Variants in CTNNA3 observed in about 807,000 individuals in gnomAD.
CTNNA3 encodes catenin alpha-3.
CTNNA3 carries 76 observed loss-of-function variants against 95.7 expected under a neutral mutation model. That is an observed-to-expected ratio of 0.79 (90% confidence interval 0.66 to 0.96). The LOEUF is 0.96. Among genes scored for constraint, CTNNA3 ranks in the 40% least tolerant of loss-of-function variants. CTNNA3 has a pLI of 0.00. For missense variants in CTNNA3, 1,191 were observed against 1,089.8 expected (o/e 1.09, Z -1.31); for synonymous variants, 431 against 374.4 (o/e 1.15, Z -1.74).
At chr10:66,572,172 C>A (rs1449893136) in intron 10 of CTNNA3, among the ~76,000 whole-genome samples, 2 of 151,968 alleles carry the variant, frequency 1.3e-5, no homozygotes, top group Non-Finnish European at 2.9e-5. Flanking sequence ...CACTTGAGGT[C>A]AGGAGTTCAA....
At chr10:66,586,466 G>C (rs528336023) in intron 10 of CTNNA3, among the ~76,000 whole-genome samples, 5 of 152,036 alleles carry the variant, frequency 3.3e-5, no homozygotes, top group Non-Finnish European at 7.4e-5. Context: ...CTGCTGACCT[G>C]GTGTTCTAGC....
At chr10:66,772,497 A>G (rs1241301647) in intron 8 of CTNNA3, among the ~76,000 whole-genome samples, 1 of 152,120 alleles carries the variant, frequency 6.6e-6, no homozygotes, top group African/African-American at 2.4e-5. Flanking sequence ...GGAGGACACA[A>G]CACTGCGAAG....
intron 7 of CTNNA3, among the ~76,000 whole-genome samples, chr10:66,895,178 C>A (rs1845431156): frequency 1.3e-5 from 2 of 151,646 alleles, no homozygotes; most frequent in African/African-American, 4.8e-5. Flanking sequence ...ATAATCCTTT[C>A]GGAGTGACCT....
chr10:67,252,270 G>A (rs1445758486), intron 5 of CTNNA3, among the ~76,000 whole-genome samples: 1 of 150,564 alleles, frequency 6.6e-6, no homozygotes, highest in Non-Finnish European at 1.5e-5. Flanking sequence ...TAGCTATTAC[G>A]TGGAGAATTA....
intron 7 of CTNNA3, among the ~76,000 whole-genome samples, chr10:67,025,715 C>T (rs1363176381): frequency 6.6e-6 from 1 of 152,080 alleles, no homozygotes; most frequent in Non-Finnish European, 1.5e-5. Flanking sequence ...TTCTTAGTTA[C>T]ATTTTGAAAA....
intron 13 of CTNNA3, among the ~76,000 whole-genome samples, chr10:66,130,502 A>G (rs2083036787): frequency 6.6e-6 from 1 of 151,992 alleles, no homozygotes; most frequent in Non-Finnish European, 1.5e-5. Flanking sequence ...AGATCCAAGC[A>G]AACACGATCA....
intron 5 of CTNNA3, among the ~76,000 whole-genome samples, chr10:67,243,639 T>G (rs1357643374): frequency 6.6e-6 from 1 of 152,166 alleles, no homozygotes; most frequent in Admixed American, 6.5e-5. Flanking sequence ...TTCCTACTAC[T>G]CCTGTCACGG....
At chr10:67,702,442 C>T (rs141507827) in intron 1 of CTNNA3, among the ~76,000 whole-genome samples, 1 of 152,164 alleles carries the variant, frequency 6.6e-6, no homozygotes, top group African/African-American at 2.4e-5. Flanking sequence ...GACCACAGTG[C>T]AATCAAACTA....
Position 67,045,527 on chromosome 10 carries a change from C to T in CTNNA3, c.1047+134790G>A, listed in dbSNP as rs561252525. 2.3e-4 allele frequency among the ~76,000 whole-genome samples: 35 copies of T among 152,258 alleles called. No individual in the cohort carries two copies. In the South Asian group the frequency reaches 7.0e-3, roughly 31 times the overall value. ...AACTGTTCTGCTACGTAGGAAACCC[C>T]GACCCAGAAGCAGATAGTCTACGAA... is the stretch of plus-strand genomic sequence containing the variant. On this transcript the variant is annotated intron_variant, in intron 7 of 17. Coordinates refer to ENST00000433211, the MANE Select transcript of CTNNA3 (RefSeq NM_013266.4).
At chr10:66,533,362 G>A (rs1841537627) in intron 10 of CTNNA3, among the ~76,000 whole-genome samples, 1 of 152,034 alleles carries the variant, frequency 6.6e-6, no homozygotes, top group South Asian at 2.1e-4. Context: ...AGATTGTCAC[G>A]GTTGAGCATT....
rs780217926 is a variant in CTNNA3, at chr10:66,280,497, A to G, written c.1857T>C (p.Asp619=). The G allele has an allele frequency of 2.5e-6, 4 of 1,607,502 alleles. 1 individual carries two copies. Among genetic ancestry groups the G allele is most frequent in the East Asian group, 4.5e-5 (2 of 44,464 alleles). The change falls in exon 13 of 18, where the codon GAT becomes GAC. Residue 619 remains aspartate (D), a synonymous_variant. Coordinates refer to ENST00000433211, the MANE Select transcript of CTNNA3 (RefSeq NM_013266.4). Reference sequence around the variant, plus strand: ...GAATCATCATGACTGAACATCTGATATCATGAATTGTATCATAGATCTTCT... The same window carrying G: ...GAATCATCATGACTGAACATCTGATGTCATGAATTGTATCATAGATCTTCT... ...ISKKIYDTIH[D]IRCSVMMIRT...
intron 7 of CTNNA3, among the ~76,000 whole-genome samples, chr10:66,815,834 C>T (rs1842057856): frequency 6.6e-6 from 1 of 152,178 alleles, no homozygotes; most frequent in Admixed American, 6.5e-5. Flanking sequence ...GCTAGCCCTA[C>T]AGCAAATACC....
intron 13 of CTNNA3, among the ~76,000 whole-genome samples, chr10:66,111,823 T>C (rs1170673885): frequency 6.6e-6 from 1 of 152,194 alleles, no homozygotes; most frequent in African/African-American, 2.4e-5. Flanking sequence ...TTAATGGAAC[T>C]TGAAGTTAGG....
At chr10:66,676,047 GATTTATTTTCTGTTAACAT>G (rs1448787795) in intron 9 of CTNNA3, among the ~76,000 whole-genome samples, 1 of 151,880 alleles carries the variant, frequency 6.6e-6, no homozygotes, top group Non-Finnish European at 1.5e-5. Context: ...TACAACGGAG[GATTTATTTTCTGTTAACAT>G]AAATAATGGG....
At chr10:66,802,869 A>T (rs1320192851) in intron 7 of CTNNA3, among the ~76,000 whole-genome samples, 1 of 152,004 alleles carries the variant, frequency 6.6e-6, no homozygotes, top group African/African-American at 2.4e-5. Flanking sequence ...TCAATGAGAG[A>T]AGACTTACAC....
At chr10:66,298,235 C>A (rs1462430624) in intron 12 of CTNNA3, among the ~76,000 whole-genome samples, 1 of 152,088 alleles carries the variant, frequency 6.6e-6, no homozygotes, top group Non-Finnish European at 1.5e-5. Flanking sequence ...AGCCTTTAAA[C>A]AAACTTTCAT....
chr10:65,934,914 T>C (rs1046848350), intron 17 of CTNNA3, among the ~76,000 whole-genome samples: 1 of 152,038 alleles, frequency 6.6e-6, no homozygotes, highest in African/African-American at 2.4e-5. Flanking sequence ...ATACTGGGGC[T>C]TAGTAGTGCA....
chr10:66,931,970 A>AAAG (rs1262242234), intron 7 of CTNNA3, among the ~76,000 whole-genome samples: 1 of 152,184 alleles, frequency 6.6e-6, no homozygotes, highest in East Asian at 1.9e-4. Context: ...TATTATATCA[A>AAAG]AAGAGTCAGC....
At chr10:67,489,114 A>C (rs1848560234) in intron 5 of CTNNA3, among the ~76,000 whole-genome samples, 1 of 152,166 alleles carries the variant, frequency 6.6e-6, no homozygotes, top group Non-Finnish European at 1.5e-5. Flanking sequence ...ATAGGTAAAA[A>C]ACCAAACTAA....
Sources: allele counts gnomAD v4.1 joint callset (sites outside exome capture counted in the v4.1 genomes callset), GRCh38; gene constraint gnomAD v4.1.1; transcripts MANE v1.5; gene names NCBI Gene and HGNC (gene_info 2026-07-23, HGNC 2026-07-21).